The following GRB14 variants were observed in gnomAD, a reference collection of about 807,000 sequenced individuals.
GRB14 encodes the protein growth factor receptor bound protein 14.
A neutral mutation model predicts 69.1 loss-of-function variants in GRB14; 38 were observed. The ratio of observed to expected loss-of-function variants is 0.55; its 90% confidence interval spans 0.42 to 0.72. GRB14 has a LOEUF of 0.72. Ranked by LOEUF, GRB14 falls within the 30% of genes least tolerant of loss-of-function variation. The pLI is 0.00. For missense variants in GRB14, 666 were observed against 666.1 expected, an observed-to-expected ratio of 1.00 and a Z score of 0.00; for synonymous variants, 247 against 241.3, an observed-to-expected ratio of 1.02 and a Z score of -0.22.
chr2:164,578,295 G>C (rs77450803), intron 2 of GRB14, among the ~76,000 whole-genome samples: 1 of 151,816 alleles, frequency 6.6e-6, no homozygotes, highest in African/African-American at 2.4e-5. Flanking sequence ...CCAAAGTAAG[G>C]CCTAAAAGGA....
In GRB14 at chr2:164,546,358, T is replaced by A. The variant is rs1315493262; in HGVS notation, c.481+1302A>T. On this transcript the variant is annotated intron_variant, in intron 3 of 13. Coordinates refer to ENST00000263915, the MANE Select transcript of GRB14 (RefSeq NM_004490.3). ...TCGGAAGAAAATCTTCACCATAGGA[T>A]CTATACTAAAATAAACAGAAAAGCA... Among the ~76,000 whole-genome samples the A allele has an allele frequency of 7.9e-5, 12 of 152,220 alleles. No homozygotes were observed. In the East Asian group the frequency reaches 2.3e-3, roughly 29 times the overall value.
chr2:164,501,370 A>C (rs964039522), intron 9 of GRB14, among the ~76,000 whole-genome samples: 24 of 152,216 alleles, frequency 1.6e-4, no homozygotes, highest in African/African-American at 5.3e-4. Flanking sequence ...CTGGTCACAT[A>C]CATGAAGAGC....
At chr2:164,520,690 A>T (rs200008916) in intron 6 of GRB14, among the ~76,000 whole-genome samples, 5 of 151,880 alleles carry the variant, frequency 3.3e-5, no homozygotes, top group African/African-American at 1.2e-4. Context: ...ATCAAAAAGT[A>T]CGCTGAAGAC....
chr2:164,547,557 A>C, intron 3 of GRB14, 103 bp downstream of exon 3: 1 of 931,058 alleles, frequency 1.1e-6, no homozygotes, highest in South Asian at 2.1e-5. Context: ...AAGATATAGA[A>C]AATTATCTCA....
At chr2:164,610,625 A>G (rs1690144986) in intron 2 of GRB14, among the ~76,000 whole-genome samples, 1 of 152,066 alleles carries the variant, frequency 6.6e-6, no homozygotes, top group African/African-American at 2.4e-5. Context: ...TTTAATGAAG[A>G]TGACTGAAAA....
chr2:164,550,508 T>C (rs1688507053), intron 2 of GRB14, among the ~76,000 whole-genome samples: 1 of 152,216 alleles, frequency 6.6e-6, no homozygotes, highest in Admixed American at 6.5e-5. Context: ...TGCAATGAAA[T>C]AGTTGCTCTC....
At chr2:164,601,994 A>C (rs1372022051) in intron 2 of GRB14, among the ~76,000 whole-genome samples, 9 of 152,146 alleles carry the variant, frequency 5.9e-5, no homozygotes, top group Non-Finnish European at 1.2e-4. Flanking sequence ...CTTCAGGCAC[A>C]CTGGTTATAC....
At chr2:164,613,236 A>G (rs1222913772) in intron 2 of GRB14, among the ~76,000 whole-genome samples, 1 of 152,204 alleles carries the variant, frequency 6.6e-6, no homozygotes, top group Non-Finnish European at 1.5e-5. Context: ...TATCATACAA[A>G]TATGATTAGA....
chr2:164,569,050 C>T (rs1162476014), intron 2 of GRB14, among the ~76,000 whole-genome samples: 2 of 151,882 alleles, frequency 1.3e-5, no homozygotes, highest in Admixed American at 1.3e-4. Flanking sequence ...TAACAATAAA[C>T]CTAAATAATA....
Position 164,621,377 on chromosome 2 carries a change from G to A in GRB14, c.-68C>T, listed in dbSNP as rs1690459437. The A allele has an allele frequency of 1.7e-6, 2 of 1,207,014 alleles. No individual in the cohort carries two copies. The highest frequency in any genetic ancestry group is 2.1e-6 in the Non-Finnish European group (2 of 961,344). 74.8% of individuals were successfully genotyped at this position (1,207,014 alleles called of 1,614,324 possible). A position where few individuals can be genotyped will look rare whatever the true frequency, so the allele number is the denominator to read the frequency against. Reference sequence around the variant, plus strand: ...CGTGGGGAGAAGGGGTTTGCGCGGCGGGAGGCGAGGTGCCGGCTAGGCAGC... The same window carrying A: ...CGTGGGGAGAAGGGGTTTGCGCGGCAGGAGGCGAGGTGCCGGCTAGGCAGC... On this transcript the variant is annotated 5_prime_UTR_variant, in exon 1 of 14. Coordinates refer to ENST00000263915, the MANE Select transcript of GRB14 (RefSeq NM_004490.3). The surrounding 1 kb of genome is among the most constrained non-coding windows in gnomAD (Gnocchi z 6.0).
intron 3 of GRB14, among the ~76,000 whole-genome samples, chr2:164,545,504 C>T (rs1369925254): frequency 6.6e-6 from 1 of 152,194 alleles, no homozygotes; most frequent in African/African-American, 2.4e-5. Flanking sequence ...CCAACAAATG[C>T]TGGCAGCCAC....
At chr2:164,597,648 G>A (rs1429499821) in intron 2 of GRB14, among the ~76,000 whole-genome samples, 1 of 151,956 alleles carries the variant, frequency 6.6e-6, no homozygotes, top group African/African-American at 2.4e-5. Context: ...GAAAGGCAGG[G>A]AGAAAAAGAA....
At chr2:164,619,612 T>C (rs1690394556) in intron 2 of GRB14, 75 bp downstream of exon 2, 15 of 978,414 alleles carry the variant, frequency 1.5e-5, no homozygotes, top group Admixed American at 2.6e-5. Flanking sequence ...ATACTGTAAA[T>C]TACGGAACAC....
chr2:164,498,023 TACTC>T (rs1189233076), intron 9 of GRB14, among the ~76,000 whole-genome samples: 3 of 152,186 alleles, frequency 2.0e-5, no homozygotes, highest in African/African-American at 7.2e-5. Flanking sequence ...TGAGAAATAA[TACTC>T]ATTATTTTTA....
intron 2 of GRB14, among the ~76,000 whole-genome samples, chr2:164,548,660 A>C (rs1052592951): frequency 2.0e-5 from 3 of 152,168 alleles, no homozygotes; most frequent in Non-Finnish European, 2.9e-5. Flanking sequence ...TGACCGTATC[A>C]ATCCACATTC....
chr2:164,531,501 GA>G (rs1687935739), intron 3 of GRB14, among the ~76,000 whole-genome samples: 2 of 151,982 alleles, frequency 1.3e-5, no homozygotes, highest in South Asian at 4.1e-4. Flanking sequence ...ATAAAGAAAG[GA>G]AAAAATAGCA....
intron 6 of GRB14, among the ~76,000 whole-genome samples, chr2:164,517,829 T>C (rs978885110): frequency 1.3e-5 from 2 of 152,136 alleles, no homozygotes; most frequent in Non-Finnish European, 1.5e-5. Flanking sequence ...ATCCTAAATA[T>C]ATATATGCAC....
chr2:164,576,175 T>TA, intron 2 of GRB14, among the ~76,000 whole-genome samples: 1 of 151,936 alleles, frequency 6.6e-6, no homozygotes, highest in Admixed American at 6.6e-5. Flanking sequence ...CTCGGTGTCA[T>TA]ATAGTACACA....
chr2:164,594,960 C>T (rs1245891030), intron 2 of GRB14, among the ~76,000 whole-genome samples: 2 of 152,058 alleles, frequency 1.3e-5, no homozygotes, highest in African/African-American at 4.8e-5. Flanking sequence ...ATGGTTTTGC[C>T]CTTTAACAGA....
Sources: gnomAD v4.1 joint callset for allele counts (sites outside exome capture counted in the v4.1 genomes callset) on GRCh38, gnomAD v4.1.1 for gene constraint, Gnocchi (gnomAD v3.1) non-coding constraint, MANE v1.5 for transcripts, NCBI Gene and HGNC (gene_info 2026-07-23, HGNC 2026-07-21) for gene names.